The following ALPK3 variants were observed in gnomAD, a reference collection of about 807,000 sequenced individuals.
ALPK3 encodes alpha kinase 3, also known as alpha-protein kinase 3.
ALPK3 carries 102 observed loss-of-function variants against 140.0 expected under a neutral mutation model. The ratio of observed to expected loss-of-function variants is 0.73; its 90% CI spans 0.62 to 0.86. The LOEUF is 0.86. Among genes scored for constraint, ALPK3 ranks in the 40% least tolerant of loss-of-function variants. The pLI is 0.00. For synonymous variants in ALPK3, 938 were observed against 898.5 expected (o/e 1.04, Z -0.79); for missense variants, 2,254 against 2,208.2 (o/e 1.02, Z -0.42).
At chr15:84,859,997 G>T (rs1963923684) in intron 8 of ALPK3, 40 bp from the exon 9 acceptor site, 1 of 1,613,922 alleles carries the variant, frequency 6.2e-7, no homozygotes, top group African/African-American at 1.3e-5. Context: ...TCTTGGCACA[G>T]CAGCCTGAAG....
chr15:84,841,931 G>A (rs1248000012), intron 5 of ALPK3, among the ~76,000 whole-genome samples: 2 of 152,196 alleles, frequency 1.3e-5, no homozygotes, highest in Non-Finnish European at 2.9e-5. Context: ...TGGGGCTGGG[G>A]TGGATAAAAT....
Position 84,840,873 on chromosome 15 carries a change from A to G in ALPK3, c.1594A>G (p.Arg532Gly), listed in dbSNP as rs775263709. The G allele has an allele frequency of 3.1e-6, 5 of 1,613,750 alleles. No individual in the cohort carries two copies. In the African/African-American group the frequency reaches 5.3e-5, roughly 17 times the overall value. Residue 532 changes from arginine (R) to glycine (G), a missense_variant, in exon 5 of 14, where the codon AGA becomes GGA. Around this residue, in one of 3 missense-constraint regions of ALPK3, gnomAD observed 2,088 missense variants for 2,022.9 expected, o/e 1.03. Transcript: ENST00000258888. ...VQVPTPPARRRHGTRDSTLQG... is the reference protein window; with the variant it reads ...VQVPTPPARRGHGTRDSTLQG... The stretch of plus-strand genomic sequence containing the variant: ...GGTGCCGACGCCCCCTGCCCGGCGG[A>G]GACATGGCACCCGGGACAGCACGTT...
intron 11 of ALPK3, 125 bp from the exon 12 acceptor site, chr15:84,864,317 C>G (rs547694988): frequency 1.7e-5 from 17 of 1,004,576 alleles, no homozygotes; most frequent in African/African-American, 1.6e-4. Context: ...GTCCTTTGGG[C>G]TCGGAGCTGA....
chr15:84,839,583 G>A (rs951514197), intron 4 of ALPK3, 119 bp from the exon 5 acceptor site: 1 of 1,121,464 alleles, frequency 8.9e-7, no homozygotes, highest in South Asian at 1.5e-5. Flanking sequence ...CGTAGCACAC[G>A]GCAGGGCTTG....
At chr15:84,841,049 A>G in intron 5 of ALPK3, 117 bp downstream of exon 5, 1 of 1,356,786 alleles carries the variant, frequency 7.4e-7, no homozygotes, top group East Asian at 2.5e-5. Flanking sequence ...AGGGGTGGGG[A>G]GGGACTGGAG....
At chr15:84,838,531 C>G (rs536929221) in intron 3 of ALPK3, among the ~76,000 whole-genome samples, 1 of 152,066 alleles carries the variant, frequency 6.6e-6, no homozygotes, top group South Asian at 2.1e-4. Context: ...TCCAGCAAGC[C>G]TGGGGCAGGT....
chr15:84,830,963 C>T (rs1450601518), intron 3 of ALPK3, among the ~76,000 whole-genome samples: 3 of 152,198 alleles, frequency 2.0e-5, no homozygotes, highest in African/African-American at 7.2e-5. Context: ...ATCCTCCCAC[C>T]TTGGCCTCCC....
chr15:84,833,538 C>G (rs1963566373), intron 3 of ALPK3, among the ~76,000 whole-genome samples: 1 of 152,168 alleles, frequency 6.6e-6, no homozygotes, highest in Non-Finnish European at 1.5e-5. Context: ...CTCTGTGAGG[C>G]TGCTGTTCTG....
rs34407151 is a variant in ALPK3, at chr15:84,839,076, G to A, written c.401G>A (p.Arg134His). The stretch of plus-strand genomic sequence containing the variant: ...TATGAGATCACTCATCAGGGCAACC[G>A]CCACACACTGCAGCTGTACAGGTGA... ...PKYEITHQGN[R>H]HTLQLYRCRE... Residue 134 changes from arginine to histidine, a missense_variant, in exon 4 of 14, where the codon CGC (arginine) becomes CAC (histidine). Arg to His is a conservative substitution (Grantham distance 29). Coordinates refer to ENST00000258888, the MANE Select transcript of ALPK3 (RefSeq NM_020778.5). The A allele has an allele frequency of 0.014, 22,573 of 1,609,154 alleles. 174 individuals are homozygous for A. Among genetic ancestry groups the A allele is most frequent in the Non-Finnish European group, 0.016 (18,851 of 1,177,564 alleles).
intron 5 of ALPK3, among the ~76,000 whole-genome samples, chr15:84,849,566 C>T (rs1963777841): frequency 6.6e-6 from 1 of 152,106 alleles, no homozygotes; most frequent in South Asian, 2.1e-4. Context: ...AAAGTATGTA[C>T]TCTGACCAAA....
Position 84,839,970 on chromosome 15 carries a change from C to G in ALPK3, c.691C>G (p.Gln231Glu). 3.7e-6 allele frequency: 6 copies of G among 1,612,932 alleles called. No individual in the cohort carries two copies. The highest frequency in any genetic ancestry group is 5.1e-6 in the Non-Finnish European group (6 of 1,179,466). Reference protein sequence around the residue: ...FQRKRRLSGAQAPGPSVPTRE... With the variant: ...FQRKRRLSGAEAPGPSVPTRE... ...GCGAAAGCGGCGATTGAGCGGGGCTCAAGCGCCGGGCCCCTCGGTCCCTAC... is the reference window on the plus strand; with the variant it reads ...GCGAAAGCGGCGATTGAGCGGGGCTGAAGCGCCGGGCCCCTCGGTCCCTAC... Residue 231 changes from glutamine to glutamate, a missense_variant, in exon 5 of 14, where the codon CAA becomes GAA. Gln to Glu is a conservative substitution (Grantham distance 29). Coordinates refer to ENST00000258888, the MANE Select transcript of ALPK3 (RefSeq NM_020778.5).
intron 3 of ALPK3, among the ~76,000 whole-genome samples, chr15:84,829,644 T>A (rs1963524501): frequency 6.6e-6 from 1 of 152,208 alleles, no homozygotes; most frequent in Non-Finnish European, 1.5e-5. Context: ...ATGCTGTTTA[T>A]ACATCGTGAG....
At chr15:84,849,216 A>G (rs1223822543) in intron 5 of ALPK3, among the ~76,000 whole-genome samples, 1 of 152,212 alleles carries the variant, frequency 6.6e-6, no homozygotes, top group Non-Finnish European at 1.5e-5. Flanking sequence ...AAGACATAAC[A>G]ATAAAAAATG....
Position 84,860,699 on chromosome 15 carries a change from A to G in ALPK3, c.4129+627A>G, listed in dbSNP as rs149304551. ...AATGCATTAATTCCTTCATTCTCTCACTCTTTCAATCACTCATTCATCCAA... is the reference window on the plus strand; with the variant it reads ...AATGCATTAATTCCTTCATTCTCTCGCTCTTTCAATCACTCATTCATCCAA... On this transcript the variant is annotated intron_variant, in intron 9 of 13. Coordinates refer to ENST00000258888, the MANE Select transcript of ALPK3 (RefSeq NM_020778.5). Among the ~76,000 whole-genome samples, 464 of 152,054 alleles carry G rather than the reference A, an allele frequency of 3.1e-3. 1 individual carries two copies. Among genetic ancestry groups the G allele is most frequent in the African/African-American group, 0.01 (433 of 41,472 alleles).
At chr15:84,820,859 A>G (rs1188958237) in intron 1 of ALPK3, among the ~76,000 whole-genome samples, 1 of 152,154 alleles carries the variant, frequency 6.6e-6, no homozygotes, top group Non-Finnish European at 1.5e-5. Flanking sequence ...CCTGGGCTCC[A>G]GCGATCCTCT....
intron 12 of ALPK3, among the ~76,000 whole-genome samples, chr15:84,866,254 A>G (rs1964002759): frequency 6.6e-6 from 1 of 152,236 alleles, no homozygotes; most frequent in Non-Finnish European, 1.5e-5. Flanking sequence ...CAAATAAATC[A>G]ATATTTATCA....
chr15:84,840,885 C>A lies in ALPK3; in HGVS notation c.1606C>A (p.Arg536=), dbSNP rs560231523. ...TPPARRRHGT[R]DSTLQGQAGH... ...CCCTGCCCGGCGGAGACATGGCACC[C>A]GGGACAGCACGTTGCAGGGGCAAGC... The change falls in exon 5 of 14, where the codon CGG becomes AGG. Residue 536 remains arginine (R), a synonymous_variant. Transcript: ENST00000258888. 1.2e-6 allele frequency: 2 copies of A among 1,612,080 alleles called. No individual in the cohort carries two copies. The highest frequency in any genetic ancestry group is 2.7e-5 in the African/African-American group (2 of 74,836).
chr15:84,819,007 C>A lies in ALPK3; in HGVS notation c.143+1412C>A, dbSNP rs189427034. 2.6e-5 allele frequency among the ~76,000 whole-genome samples: 4 copies of A among 152,220 alleles called. No individual in the cohort carries two copies. The East Asian group carries it at 7.7e-4, about 29-fold the overall frequency. On this transcript the variant is annotated intron_variant, in intron 1 of 13. Transcript: ENST00000258888. Reference sequence around the variant, plus strand: ...ATACCAGTGGAACAAACAGAAGAGGCGGAACCAGGGTCCTTCTTGGAGACA... The same window carrying A: ...ATACCAGTGGAACAAACAGAAGAGGAGGAACCAGGGTCCTTCTTGGAGACA...
rs750686743 is a variant in ALPK3, at chr15:84,840,346, G to A, written c.1067G>A (p.Gly356Glu). The change falls in exon 5 of 14, where the codon GGG becomes GAG. Residue 356 changes from glycine (G) to glutamate (E), a missense_variant. By Grantham distance (98) the Gly-to-Glu change is moderately conservative. Transcript: ENST00000258888. ...IPSSDEPDSC[G>E]TQGPVGVEQV... is the part of the protein sequence containing the mutation. ...AGCTCAGACGAGCCTGACTCCTGTG[G>A]GACTCAGGGGCCCGTGGGCGTGGAG... 2 of 1,613,678 alleles carry A rather than the reference G, an allele frequency of 1.2e-6. No homozygotes were observed. Among genetic ancestry groups the A allele is most frequent in the Non-Finnish European group, 1.7e-6 (2 of 1,179,852 alleles).
Sources: gnomAD v4.1 joint callset for allele counts (sites outside exome capture counted in the v4.1 genomes callset) on GRCh38, gnomAD v4.1.1 for gene constraint, gnomAD v4.1.1 regional missense constraint, MANE v1.5 for transcripts, NCBI Gene and HGNC (gene_info 2026-07-23, HGNC 2026-07-21) for gene names.